The following ATG3 variants were observed in gnomAD, a reference collection of about 807,000 sequenced individuals.
ATG3 encodes ubiquitin-like-conjugating enzyme ATG3.
ATG3 carries 25 observed loss-of-function variants against 50.7 expected under a neutral mutation model. That is an observed-to-expected ratio of 0.49 (90% CI 0.36 to 0.69). The LOEUF (loss-of-function observed/expected upper bound fraction) is 0.69, where lower values mean the gene tolerates loss of function less well. Among genes scored for constraint, ATG3 ranks in the 30% least tolerant of loss-of-function variants. The probability of loss-of-function intolerance (pLI) is 0.00; values close to 1 mark genes in which losing one functional copy is unlikely to be tolerated. For missense variants in ATG3, 281 were observed against 376.0 expected (o/e 0.75, Z 2.09); for synonymous variants, 119 against 125.5 (o/e 0.95, Z 0.34).
chr3:112,561,545 C>A lies in ATG3; in HGVS notation c.-17G>T. 6.4e-7 allele frequency: 1 copy of A among 1,556,202 alleles called. No individual in the cohort carries two copies. Among genetic ancestry groups the A allele is most frequent in the African/African-American group, 1.4e-5 (1 of 73,220 alleles). On this transcript the variant is annotated 5_prime_UTR_variant, in exon 1 of 12. Transcript: ENST00000283290. Reference sequence around the variant, plus strand: ...ATTCTGCATCCTGGGGCCGGAGTAGCGGCCGGCCCCGCGACGGGATGGAAA... The same window carrying A: ...ATTCTGCATCCTGGGGCCGGAGTAGAGGCCGGCCCCGCGACGGGATGGAAA...
At chr3:112,551,014 TCCTACTCTTAAACACTGCTC>T (rs1933512058) in intron 3 of ATG3, among the ~76,000 whole-genome samples, 1 of 152,204 alleles carries the variant, frequency 6.6e-6, no homozygotes, top group Non-Finnish European at 1.5e-5. Flanking sequence ...ACTTCAGGGC[TCCTACTCTTAAACACTGCTC>T]CCTCTGTGGG....
chr3:112,556,027 T>A (rs1414341747), intron 2 of ATG3, among the ~76,000 whole-genome samples: 5 of 152,242 alleles, frequency 3.3e-5, no homozygotes, highest in Non-Finnish European at 7.3e-5. Context: ...CAGCATACTT[T>A]CATCTCCGCT....
intron 1 of ATG3, among the ~76,000 whole-genome samples, chr3:112,560,330 C>G (rs952514552): frequency 6.6e-6 from 1 of 152,158 alleles, no homozygotes; most frequent in Non-Finnish European, 1.5e-5. Flanking sequence ...ATGACTTTCA[C>G]AGTAAACAAA....
rs1431143824 is a variant in ATG3 at position 112,558,425 on chromosome 3, A to G, written c.73-8T>C. 13 of 1,586,438 alleles carry G rather than the reference A, an allele frequency of 8.2e-6. No individual in the cohort carries two copies. The Admixed American group carries it at 2.2e-4, about 27-fold the overall frequency. ...TTCCTTAAACTTTGATTCCTAAAAAAAGCAGAAAGAAAAACAATATTATAT... is the reference window on the plus strand; with the variant it reads ...TTCCTTAAACTTTGATTCCTAAAAAGAGCAGAAAGAAAAACAATATTATAT... On this transcript the variant is annotated splice_polypyrimidine_tract_variant and splice_region_variant and intron_variant, in intron 1 of 11. Transcript: ENST00000283290.
At chr3:112,547,561 A>G (rs570986618) in intron 5 of ATG3, among the ~76,000 whole-genome samples, 154 of 152,384 alleles carry the variant, frequency 1.0e-3, no homozygotes, top group African/African-American at 3.5e-3. Context: ...TCAGCAGCAT[A>G]TGATAATATG....
chr3:112,538,713 TTTC>T (rs1933143945), intron 7 of ATG3, among the ~76,000 whole-genome samples: 1 of 152,184 alleles, frequency 6.6e-6, no homozygotes, highest in South Asian at 2.1e-4. Flanking sequence ...AAGGGCTCAG[TTTC>T]TGGACCTTGT....
chr3:112,533,791 G>A, intron 11 of ATG3: 1 of 985,194 alleles, frequency 1.0e-6, no homozygotes, highest in African/African-American at 1.7e-5. Flanking sequence ...TACAAGAAAG[G>A]TGCTACTGTC....
At chr3:112,534,135 A>T in intron 11 of ATG3, 134 bp downstream of exon 11, 2 of 1,424,490 alleles carry the variant, frequency 1.4e-6, no homozygotes, top group Non-Finnish European at 9.2e-7. Flanking sequence ...TAAATGAAAG[A>T]CTTCTACTAG....
intron 5 of ATG3, among the ~76,000 whole-genome samples, chr3:112,545,116 T>C (rs895581996): frequency 1.3e-5 from 2 of 152,226 alleles, no homozygotes; most frequent in Non-Finnish European, 2.9e-5. Context: ...GACGTTACAG[T>C]AATAATGTCT....
At chr3:112,559,916 G>T (rs1576731992) in intron 1 of ATG3, among the ~76,000 whole-genome samples, 1 of 152,152 alleles carries the variant, frequency 6.6e-6, no homozygotes, top group East Asian at 1.9e-4. Context: ...TATTTCCTGA[G>T]GATTTTGTTC....
chr3:112,551,618 C>G (rs1933531855), intron 3 of ATG3, among the ~76,000 whole-genome samples: 1 of 152,058 alleles, frequency 6.6e-6, no homozygotes, highest in African/African-American at 2.4e-5. Context: ...AAATCAAATA[C>G]CTAAACTACT....
rs559363272 is a variant in ATG3, at chr3:112,544,313, C to G, written c.344-207G>C. 5.9e-5 allele frequency among the ~76,000 whole-genome samples: 9 copies of G among 152,130 alleles called. No homozygotes were observed. The East Asian group carries it at 1.7e-3, about 29-fold the overall frequency. ...TTTGAAAAACTCATTAATATTTTACCATGAATTACTTTCCTTGTTTGAATC... is the reference window on the plus strand; with the variant it reads ...TTTGAAAAACTCATTAATATTTTACGATGAATTACTTTCCTTGTTTGAATC... On this transcript the variant is annotated intron_variant, in intron 5 of 11. Coordinates refer to ENST00000283290, the MANE Select transcript of ATG3 (RefSeq NM_022488.5).
chr3:112,534,368 T>C (rs751381061), intron 10 of ATG3, 31 bp from the exon 11 acceptor site: 3 of 1,487,504 alleles, frequency 2.0e-6, no homozygotes, highest in South Asian at 2.6e-5. Flanking sequence ...AAATTGTTAA[T>C]GTAGATCGAT....
Position 112,534,328 on chromosome 3 carries a change from C to T in ATG3, c.804G>A (p.Glu268=), listed in dbSNP as rs766838451. ...CAGTCTCAATGATTTTCTTCATCAC[C>T]TCAGCATGCCTAGAAGCCAAAAAAA... ...MCSVHPCRHA[E]VMKKIIETVA... The change falls in exon 11 of 12, where the codon GAG becomes GAA. Residue 268 remains glutamate, a synonymous_variant. Transcript: ENST00000283290. 27 of 1,538,166 alleles carry T rather than the reference C, an allele frequency of 1.8e-5. No individual in the cohort carries two copies. The East Asian group carries it at 6.0e-4, about 34-fold the overall frequency.
At chr3:112,544,005 A>C in intron 6 of ATG3, 52 bp downstream of exon 6, 1 of 1,340,938 alleles carries the variant, frequency 7.5e-7, no homozygotes, top group South Asian at 1.2e-5. Context: ...AGATAGATAG[A>C]TAGGCAAATA....
intron 3 of ATG3, among the ~76,000 whole-genome samples, chr3:112,552,210 A>G (rs1187905904): frequency 2.0e-5 from 3 of 152,220 alleles, no homozygotes; most frequent in Non-Finnish European, 2.9e-5. Context: ...AAACAAGGTG[A>G]TAATTCCAAA....
chr3:112,540,181 C>T (rs1325367077), intron 7 of ATG3, among the ~76,000 whole-genome samples: 1 of 152,142 alleles, frequency 6.6e-6, no homozygotes, highest in African/African-American at 2.4e-5. Flanking sequence ...CAGCAGTTTA[C>T]CATGAAAATA....
rs1933436774 is a variant in ATG3 at position 112,548,596 on chromosome 3, A to G, written c.280T>C (p.Leu94=). 2 of 1,613,910 alleles carry G rather than the reference A, an allele frequency of 1.2e-6. No individual in the cohort carries two copies. Among genetic ancestry groups the G allele is most frequent in the Non-Finnish European group, 1.7e-6 (2 of 1,180,004 alleles). ...RCKQMEYSDE[L]EAIIEEDDGD... ...TCATCTTCTTCAATGATAGCTTCCAATTCATCTGAATATTCCATCTGTTTG... is the reference window on the plus strand; with the variant it reads ...TCATCTTCTTCAATGATAGCTTCCAGTTCATCTGAATATTCCATCTGTTTG... Residue 94 remains leucine (L), a synonymous_variant, in exon 5 of 12, where the codon TTG becomes CTG. Transcript: ENST00000283290.
intron 6 of ATG3, among the ~76,000 whole-genome samples, chr3:112,543,050 A>G (rs1559844524): frequency 6.6e-6 from 1 of 152,052 alleles, no homozygotes; most frequent in Admixed American, 6.5e-5. Context: ...ATAAAAAAAC[A>G]AAACAAACAA....
Sources: gnomAD v4.1 joint callset for allele counts (sites outside exome capture counted in the v4.1 genomes callset) on GRCh38, gnomAD v4.1.1 for gene constraint, MANE v1.5 for transcripts, NCBI Gene and HGNC (gene_info 2026-07-23, HGNC 2026-07-21) for gene names.